The following MTHFD1 variants were observed in gnomAD, a reference collection of about 807,000 sequenced individuals.
MTHFD1 encodes the protein C-1-tetrahydrofolate synthase, cytoplasmic.
MTHFD1 carries 44 observed loss-of-function variants against 110.3 expected under a neutral mutation model. That is an observed-to-expected ratio of 0.40 (90% CI 0.31 to 0.51). MTHFD1 has a LOEUF of 0.51. MTHFD1 is among the 20% of genes least tolerant of loss of function. MTHFD1 has a pLI of 0.60. For synonymous variants in MTHFD1, 402 were observed against 428.8 expected, an observed-to-expected ratio of 0.94 and a Z score of 0.77; for missense variants, 909 against 1,173.1, an observed-to-expected ratio of 0.77 and a Z score of 3.29.
Position 64,460,013 on chromosome 14 carries a change from G to A in MTHFD1, c.*259G>A. 8.2e-7 allele frequency: 1 copy of A among 1,214,014 alleles called. No homozygotes were observed. The allele number at this position is 1,214,014 out of a possible 1,614,324, so 75.2% of individuals were successfully genotyped here. ...AAGGAAACAAGTTTGCCATCTTGGT[G>A]TTGCAATATGAATTACAGCCTTAAC... On this transcript the variant is annotated 3_prime_UTR_variant, in exon 28 of 28. Transcript: ENST00000652337.
chr14:64,400,455 C>T (rs1394380428), intron 1 of MTHFD1, among the ~76,000 whole-genome samples: 2 of 152,046 alleles, frequency 1.3e-5, no homozygotes, highest in East Asian at 1.9e-4. Flanking sequence ...TTTGGGAGGC[C>T]GAGGTCCTAG....
In MTHFD1 at chr14:64,449,437, C is replaced by G; in HGVS notation, c.2280-8C>G. 6.2e-7 allele frequency: 1 copy of G among 1,612,804 alleles called. No individual in the cohort carries two copies. Among genetic ancestry groups the G allele is most frequent in the Non-Finnish European group, 8.5e-7 (1 of 1,179,988 alleles). ...TCCATGCTTTGATATGAAATGCTTC[C>G]TTTATAGGACGGATACAGAGTCTGA... On this transcript the variant is annotated splice_region_variant and splice_polypyrimidine_tract_variant and intron_variant, in intron 23 of 27. Transcript: ENST00000652337.
chr14:64,421,154 T>C (rs569302942), intron 8 of MTHFD1, among the ~76,000 whole-genome samples: 2 of 152,250 alleles, frequency 1.3e-5, no homozygotes, highest in Admixed American at 1.3e-4. Context: ...CAAGGGATGA[T>C]CTTTCCTTCT....
intron 26 of MTHFD1, among the ~76,000 whole-genome samples, chr14:64,456,824 G>A (rs947303580): frequency 6.6e-6 from 1 of 152,202 alleles, no homozygotes; most frequent in Non-Finnish European, 1.5e-5. Flanking sequence ...AAGTATTGAT[G>A]ATGTTTTGTG....
At chr14:64,444,270 C>A (rs1246964671) in intron 21 of MTHFD1, among the ~76,000 whole-genome samples, 3 of 152,140 alleles carry the variant, frequency 2.0e-5, no homozygotes, top group Admixed American at 2.0e-4. Context: ...TGGACCAGTT[C>A]ATGAAACCAT....
chr14:64,399,644 G>A (rs1463536966), intron 1 of MTHFD1, among the ~76,000 whole-genome samples: 4 of 130,804 alleles, frequency 3.1e-5, no homozygotes, highest in Admixed American at 1.6e-4. Context: ...GGGCAAAAGC[G>A]AGTCCCCATC....
chr14:64,411,548 T>C (rs902324203), intron 3 of MTHFD1, among the ~76,000 whole-genome samples: 2 of 152,126 alleles, frequency 1.3e-5, no homozygotes, highest in East Asian at 3.9e-4. Context: ...AAGAGGTGGG[T>C]AGGGAAAAAT....
Position 64,388,431 on chromosome 14 carries a change from G to A in MTHFD1, c.4G>A (p.Ala2Thr). 1 of 1,614,190 alleles carries A rather than the reference G, an allele frequency of 6.2e-7. No homozygotes were observed. The highest frequency in any genetic ancestry group is 8.5e-7 in the Non-Finnish European group (1 of 1,180,046). MAPAEILNGKEI... is the reference protein window; with the variant it reads MTPAEILNGKEI... The stretch of plus-strand genomic sequence containing the variant: ...GGGCAGCGGACTAATAAAGGCCATG[G>A]CGCCAGCAGAAATCCTGAACGGGAA... The change falls in exon 1 of 28, where the codon GCG (alanine) becomes ACG (threonine). Residue 2 changes from alanine to threonine, a missense_variant. Physicochemically the swap from Ala to Thr is moderately conservative, Grantham distance 58. Coordinates refer to ENST00000652337, the MANE Select transcript of MTHFD1 (RefSeq NM_005956.4).
intron 12 of MTHFD1, among the ~76,000 whole-genome samples, chr14:64,428,883 C>T (rs180731772): frequency 1.4e-4 from 21 of 152,196 alleles, no homozygotes; most frequent in Non-Finnish European, 2.6e-4. Context: ...AATGTAATCA[C>T]TTTGTTCTGC....
chr14:64,419,937 T>C lies in MTHFD1; in HGVS notation c.727+12T>C, dbSNP rs2078055718. ...CAATTATGTCCCAGGTGAGTGTTGT[T>C]GGAGGAGTAAGGTGGCTGCTGGTAT... On this transcript the variant is annotated intron_variant, in intron 8 of 27. Transcript: ENST00000652337. The C allele has an allele frequency of 1.3e-6, 2 of 1,585,384 alleles. No homozygotes were observed. Among genetic ancestry groups the C allele is most frequent in the East Asian group, 4.5e-5 (2 of 44,730 alleles).
chr14:64,426,218 C>T, intron 11 of MTHFD1, 26 bp downstream of exon 11: 1 of 1,613,862 alleles, frequency 6.2e-7, no homozygotes, highest in East Asian at 2.2e-5. Context: ...ATGTTGCCAT[C>T]CAAATCTTAG....
chr14:64,391,983 AAG>A (rs1277876267), intron 1 of MTHFD1, among the ~76,000 whole-genome samples: 7 of 152,234 alleles, frequency 4.6e-5, no homozygotes, highest in Admixed American at 2.0e-4. Flanking sequence ...GGGAAGCACA[AAG>A]AGAACACCAG....
At chr14:64,411,210 C>A in intron 3 of MTHFD1, 61 bp downstream of exon 3, 1 of 1,304,910 alleles carries the variant, frequency 7.7e-7, no homozygotes, top group East Asian at 2.3e-5. Flanking sequence ...CTATCGATTA[C>A]CCCTTGCCCT....
intron 9 of MTHFD1, among the ~76,000 whole-genome samples, chr14:64,425,246 C>T (rs370202666): frequency 2.3e-5 from 3 of 132,910 alleles, no homozygotes; most frequent in African/African-American, 2.8e-5. Flanking sequence ...GAGTTTTGCT[C>T]TTGCTGCCCA....
chr14:64,441,463 G>GT lies in MTHFD1; in HGVS notation c.1884+11dup. 6.2e-7 allele frequency: 1 copy of GT among 1,613,664 alleles called. No individual in the cohort carries two copies. The highest frequency in any genetic ancestry group is 8.5e-7 in the Non-Finnish European group (1 of 1,179,646). ...CATGCAGACACTGGAGGTGAGCAGA[G>GT]TGACTCCTGCCTTCTTGAATTGGTT... On this transcript the variant is annotated intron_variant, in intron 19 of 27. Coordinates refer to ENST00000652337, the MANE Select transcript of MTHFD1 (RefSeq NM_005956.4).
chr14:64,454,963 A>AACTCTGCTCACTTG, intron 26 of MTHFD1, 88 bp downstream of exon 26: 6 of 1,383,612 alleles, frequency 4.3e-6, no homozygotes, highest in Non-Finnish European at 6.2e-6. Flanking sequence ...ATGCCAAGTG[A>AACTCTGCTCACTTG]GCAGAGTTCA....
chr14:64,401,648 A>T (rs2077897892), intron 2 of MTHFD1, among the ~76,000 whole-genome samples: 1 of 150,546 alleles, frequency 6.6e-6, no homozygotes, highest in African/African-American at 2.4e-5. Context: ...GGTTGCAGTG[A>T]GCCAAGATTG....
chr14:64,444,633 C>T, intron 21 of MTHFD1, 60 bp from the exon 22 acceptor site: 1 of 1,590,582 alleles, frequency 6.3e-7, no homozygotes, highest in Non-Finnish European at 8.6e-7. Flanking sequence ...TGAAAAGCAC[C>T]ATTTTAAGCT....
rs529943456 is a variant in MTHFD1 at position 64,446,904 on chromosome 14, C to T, written c.2179-1313C>T. Among the ~76,000 whole-genome samples the T allele has an allele frequency of 1.8e-3, 274 of 152,118 alleles. 2 individuals carry two copies. The highest frequency in any genetic ancestry group is 5.1e-4 in the Non-Finnish European group (35 of 67,998). ...TGTCACCTAGGCTGGACTGCAGAGGCGTGATCATAGCTGCAGCCTCTAACT... is the reference window on the plus strand; with the variant it reads ...TGTCACCTAGGCTGGACTGCAGAGGTGTGATCATAGCTGCAGCCTCTAACT... On this transcript the variant is annotated intron_variant, in intron 22 of 27. Transcript: ENST00000652337.
Sources: gnomAD v4.1 joint callset for allele counts (sites outside exome capture counted in the v4.1 genomes callset) on GRCh38, gnomAD v4.1.1 for gene constraint, MANE v1.5 for transcripts, NCBI Gene and HGNC (gene_info 2026-07-23, HGNC 2026-07-21) for gene names.